Variants in C5orf34 observed in about 807,000 individuals in gnomAD.
The protein encoded by C5orf34 is chromosome 5 open reading frame 34, also known as uncharacterized protein C5orf34.
C5orf34 carries 73 observed loss-of-function variants against 78.4 expected under a neutral mutation model. The ratio of observed to expected loss-of-function variants is 0.93; its 90% confidence interval spans 0.77 to 1.13. The LOEUF (loss-of-function observed/expected upper bound fraction) is 1.13. C5orf34 is among the 50% of genes most tolerant of loss of function. C5orf34 has a pLI of 0.00. For synonymous variants in C5orf34, 251 were observed against 246.6 expected, an observed-to-expected ratio of 1.02 and a Z score of -0.17; for missense variants, 730 against 732.7, an observed-to-expected ratio of 1.00 and a Z score of 0.04.
intron 11 of C5orf34, among the ~76,000 whole-genome samples, chr5:43,488,879 A>G (rs990240380): frequency 6.6e-6 from 1 of 152,134 alleles, no homozygotes; most frequent in Admixed American, 6.5e-5. Flanking sequence ...GTCACCAGAA[A>G]AATCTTCACA....
Position 43,514,823 on chromosome 5 carries a change from A to G in C5orf34, c.-54T>C, listed in dbSNP as rs1746416452. On this transcript the variant is annotated 5_prime_UTR_variant, in exon 1 of 13. Coordinates refer to ENST00000306862, the MANE Select transcript of C5orf34 (RefSeq NM_198566.4). ...CCACTCACAGCAGTTCGGAGCCGAA[A>G]AGTTGCGGAAATGAGGCCCAGCAAC... 1 of 152,230 alleles carries G rather than the reference A, an allele frequency of 6.6e-6. No homozygotes were observed. The highest frequency in any genetic ancestry group is 6.5e-5 in the Admixed American group (1 of 15,282). 9.4% of individuals were successfully genotyped at this position (152,230 alleles called of 1,614,324 possible).
chr5:43,491,282 A>G (rs1223062217), intron 10 of C5orf34, among the ~76,000 whole-genome samples: 1 of 152,240 alleles, frequency 6.6e-6, no homozygotes, highest in African/African-American at 2.4e-5. Context: ...TAAAGAAACT[A>G]TCTTTTTTGA....
intron 4 of C5orf34, among the ~76,000 whole-genome samples, chr5:43,504,995 A>C (rs986079093): frequency 6.6e-6 from 1 of 152,224 alleles, no homozygotes; most frequent in Non-Finnish European, 1.5e-5. Context: ...CAAGTTATTT[A>C]ACATTTCTAT....
At chr5:43,514,033 AGT>A (rs1183026752) in intron 1 of C5orf34, among the ~76,000 whole-genome samples, 2 of 152,366 alleles carry the variant, frequency 1.3e-5, no homozygotes, top group African/African-American at 4.8e-5. Flanking sequence ...ATGAAAAATA[AGT>A]AAACTGCTCC....
At chr5:43,488,756 T>C (rs1028321994) in intron 11 of C5orf34, among the ~76,000 whole-genome samples, 1 of 152,124 alleles carries the variant, frequency 6.6e-6, no homozygotes, top group African/African-American at 2.4e-5. Flanking sequence ...GTGTGTTCTT[T>C]ATCCTTTTTC....
At position 43,504,586 on chromosome 5, in the gene C5orf34, C is replaced by A. The variant is rs185468936; in HGVS notation, c.933-826G>T. On this transcript the variant is annotated intron_variant, in intron 4 of 12. Coordinates refer to ENST00000306862, the MANE Select transcript of C5orf34 (RefSeq NM_198566.4). ...CTGAGAGAGAAAGAGAACACTCCTG[C>A]AGAGTAAAGAGTAGGTGCAGTGGTC... Among the ~76,000 whole-genome samples, 274 of 152,210 alleles carry A rather than the reference C, an allele frequency of 1.8e-3. 3 individuals carry two copies. In the South Asian group the frequency reaches 0.018, roughly 10 times the overall value.
intron 6 of C5orf34, among the ~76,000 whole-genome samples, chr5:43,500,495 A>G (rs1745712354): frequency 6.6e-6 from 1 of 152,178 alleles, no homozygotes; most frequent in South Asian, 2.1e-4. Flanking sequence ...TCCCAGGTTC[A>G]AGCGATTCTC....
Position 43,499,742 on chromosome 5 carries a change from G to A in C5orf34, c.1152+2630C>T, listed in dbSNP as rs189510623. The stretch of plus-strand genomic sequence containing the variant: ...TGTTCTAACGCAAGTTTCTTTATTC[G>A]CTCAACAACCCGATCTTTGAGATCT... On this transcript the variant is annotated intron_variant, in intron 6 of 12. Coordinates refer to ENST00000306862, the MANE Select transcript of C5orf34 (RefSeq NM_198566.4). 1.1e-3 allele frequency among the ~76,000 whole-genome samples: 167 copies of A among 152,074 alleles called. 1 individual carries two copies. Among genetic ancestry groups the A allele is most frequent in the Middle Eastern group, 3.4e-3 (1 of 294 alleles).
chr5:43,503,754 AT>A lies in C5orf34; in HGVS notation c.938del (p.Asn313IlefsTer19). ...GTCTCTGTAAAAGTGAATCACAAAA[AT>A]TCCACCTGTGAAGGATAAAATACAA... ...SCPVPHLHRW[N>X]FCDSLLQRQS... On this transcript the variant is annotated frameshift_variant, in exon 5 of 13. Transcript: ENST00000306862. LOFTEE classifies it high-confidence loss of function. 6.2e-7 allele frequency: 1 copy of A among 1,607,324 alleles called. No individual in the cohort carries two copies. Among genetic ancestry groups the A allele is most frequent in the Non-Finnish European group, 8.5e-7 (1 of 1,173,940 alleles).
chr5:43,495,159 C>T (rs1225327744), intron 6 of C5orf34: 2 of 1,608,770 alleles, frequency 1.2e-6, no homozygotes. Flanking sequence ...ATGACACCCA[C>T]CGCAACTGTC....
chr5:43,491,858 G>T (rs565796491), intron 10 of C5orf34, among the ~76,000 whole-genome samples: 4 of 151,924 alleles, frequency 2.6e-5, no homozygotes, highest in African/African-American at 9.7e-5. Flanking sequence ...ACAAAAATTA[G>T]CCGGGCATGG....
chr5:43,508,692 C>A, intron 2 of C5orf34, 26 bp from the exon 3 acceptor site: 1 of 1,290,254 alleles, frequency 7.8e-7, no homozygotes, highest in Non-Finnish European at 1.1e-6. Flanking sequence ...TAAAATGTAA[C>A]CTTAATGTAA....
At chr5:43,487,419 G>C (rs1397280844) in intron 12 of C5orf34, among the ~76,000 whole-genome samples, 1 of 152,054 alleles carries the variant, frequency 6.6e-6, no homozygotes, top group East Asian at 1.9e-4. Flanking sequence ...GAATTAAAGA[G>C]TAGGATGACA....
intron 7 of C5orf34, 74 bp from the exon 8 acceptor site, chr5:43,493,686 C>A (rs528861990): frequency 8.9e-4 from 698 of 788,260 alleles, no homozygotes; most frequent in Middle Eastern, 4.3e-3. Context: ...TTTTCACTGC[C>A]ATACAACATT....
chr5:43,492,446 G>A, intron 9 of C5orf34, 137 bp from the exon 10 acceptor site: 1 of 648,602 alleles, frequency 1.5e-6, no homozygotes, highest in Non-Finnish European at 2.7e-6. Context: ...TTGTTTACAT[G>A]AGATATGGGT....
chr5:43,500,109 C>A (rs1341501151), intron 6 of C5orf34, among the ~76,000 whole-genome samples: 1 of 152,176 alleles, frequency 6.6e-6, no homozygotes, highest in East Asian at 1.9e-4. Context: ...CCCTTCCCAG[C>A]AGATGTCATC....
At chr5:43,488,539 T>A (rs1378859437) in intron 11 of C5orf34, 1 of 152,164 alleles carries the variant, frequency 6.6e-6, no homozygotes, top group Non-Finnish European at 1.5e-5. Context: ...AGATCCAAGT[T>A]TTTAAATAGT....
intron 3 of C5orf34, among the ~76,000 whole-genome samples, chr5:43,508,102 C>T (rs963242683): frequency 3.4e-5 from 5 of 149,190 alleles, no homozygotes; most frequent in Non-Finnish European, 7.4e-5. Context: ...AAAAAAGAGG[C>T]TGCCATCTAG....
intron 7 of C5orf34, among the ~76,000 whole-genome samples, 178 bp from the exon 8 acceptor site, chr5:43,493,790 T>C (rs1745385645): frequency 6.6e-6 from 1 of 152,166 alleles, no homozygotes; most frequent in Admixed American, 6.5e-5. Flanking sequence ...ATACTGTTGC[T>C]TCCCTTTGTG....
Sources: gnomAD v4.1 joint callset for allele counts (sites outside exome capture counted in the v4.1 genomes callset) on GRCh38, gnomAD v4.1.1 for gene constraint, MANE v1.5 for transcripts, NCBI Gene and HGNC (gene_info 2026-07-23, HGNC 2026-07-21) for gene names.